The following ABLIM1 variants were observed in gnomAD, a reference collection of about 807,000 sequenced individuals.
ABLIM1 encodes actin binding LIM protein 1, also known as actin-binding LIM protein 1.
In ABLIM1, 40 loss-of-function variants were observed where a neutral mutation model predicts 107.0. The observed-to-expected ratio is 0.37, with a 90% CI of 0.29 to 0.49. The LOEUF (loss-of-function observed/expected upper bound fraction) is 0.49. ABLIM1 is among the 20% of genes least tolerant of loss of function. The pLI is 0.97. For missense variants in ABLIM1, 857 were observed against 1,008.5 expected (o/e 0.85, Z 2.04); for synonymous variants, 357 against 357.3 (o/e 1.00, Z 0.01).
intron 1 of ABLIM1, among the ~76,000 whole-genome samples, chr10:114,626,984 C>A (rs2077852407): frequency 6.6e-6 from 1 of 152,128 alleles, no homozygotes; most frequent in African/African-American, 2.4e-5. Flanking sequence ...CTCCTGACAG[C>A]CCTCAGAAGG....
intron 1 of ABLIM1, among the ~76,000 whole-genome samples, chr10:114,653,376 TA>T (rs35980324): frequency 6.7e-6 from 1 of 149,908 alleles, no homozygotes; most frequent in African/African-American, 2.5e-5. Flanking sequence ...ACCCTGTCTC[TA>T]AAAAAAAAAT....
upstream of ABLIM1, among the ~76,000 whole-genome samples, chr10:114,768,272 G>A (rs2082955248): frequency 6.8e-6 from 1 of 146,578 alleles, no homozygotes; most frequent in Non-Finnish European, 1.5e-5. Flanking sequence ...GGGACCCGCC[G>A]GGCGCGGCAG....
intron 1 of ABLIM1, among the ~76,000 whole-genome samples, chr10:114,737,621 AT>A (rs1405236270): frequency 1.3e-5 from 2 of 152,140 alleles, no homozygotes; most frequent in African/African-American, 2.4e-5. Context: ...ATATCACTAA[AT>A]TTTTTTCAAG....
chr10:114,544,867 A>C (rs754468578), intron 6 of ABLIM1, 138 bp downstream of exon 6: 32 of 770,558 alleles, frequency 4.2e-5, no homozygotes, highest in Non-Finnish European at 7.0e-5. Flanking sequence ...AATTCTTGAA[A>C]ATAGTCACCT....
rs1307632402 is a variant in ABLIM1 at position 114,653,033 on chromosome 10, C to A, written c.244+4924G>T. Among the ~76,000 whole-genome samples the A allele has an allele frequency of 2.0e-5, 3 of 152,228 alleles. No homozygotes were observed. In the East Asian group the frequency reaches 5.8e-4, roughly 29 times the overall value. On this transcript the variant is annotated intron_variant, in intron 1 of 22. Transcript: ENST00000533213. The stretch of plus-strand genomic sequence containing the variant: ...GTGTTCAGCGTACCTCATGAATGAC[C>A]CACTCTTATGCTCCTCAGGCTGAGG...
chr10:114,513,486 C>T (rs1469657870), intron 6 of ABLIM1, among the ~76,000 whole-genome samples: 1 of 152,094 alleles, frequency 6.6e-6, no homozygotes, highest in African/African-American at 2.4e-5. Flanking sequence ...CCGGCAGTAA[C>T]AATTTCACAC....
In ABLIM1 at chr10:114,575,512, G is replaced by A; in HGVS notation, c.467C>T (p.Thr156Ile). ...CTLDYQRMYG[T>I]RCHGCGEFVE... is the part of the protein sequence containing the mutation. Reference sequence around the variant, plus strand: ...GAACTCCCCACAGCCATGGCAGCGTGTCCCGTACATCCGCTGGTAGTCCAG... The same window carrying A: ...GAACTCCCCACAGCCATGGCAGCGTATCCCGTACATCCGCTGGTAGTCCAG... The change falls in exon 3 of 23, where the codon ACA (threonine) becomes ATA (isoleucine). Residue 156 changes from threonine (T) to isoleucine (I), a missense_variant. By Grantham distance (89) the Thr-to-Ile change is moderately conservative. This residue lies in a region of ABLIM1 where 381 missense variants were observed against 506.9 expected (regional missense o/e 0.75). Coordinates refer to ENST00000533213, the MANE Select transcript of ABLIM1 (RefSeq NM_002313.7). 1 of 1,614,222 alleles carries A rather than the reference G, an allele frequency of 6.2e-7. No homozygotes were observed. The highest frequency in any genetic ancestry group is 8.5e-7 in the Non-Finnish European group (1 of 1,180,038).
At chr10:114,570,472 C>T (rs2138737984) in intron 4 of ABLIM1, among the ~76,000 whole-genome samples, 1 of 152,212 alleles carries the variant, frequency 6.6e-6, no homozygotes, top group South Asian at 2.1e-4. Context: ...TCTTCTCTGC[C>T]CCATATAAGT....
chr10:114,684,696 T>C, exon 1 of ABLIM1: 4 of 1,077,758 alleles, frequency 3.7e-6, no homozygotes, highest in Non-Finnish European at 3.4e-6. Flanking sequence ...GAAGCCACTA[T>C]TAGAACACGC....
intron 8 of ABLIM1, among the ~76,000 whole-genome samples, chr10:114,482,153 T>C (rs2057470334): frequency 6.6e-6 from 1 of 152,228 alleles, no homozygotes. Context: ...TTGTGTATAA[T>C]GAATTACACA....
chr10:114,715,849 GA>G (rs1168240204), intron 1 of ABLIM1, among the ~76,000 whole-genome samples: 1 of 152,158 alleles, frequency 6.6e-6, no homozygotes, highest in African/African-American at 2.4e-5. Flanking sequence ...CCATTTGCAA[GA>G]ATTATTTCAT....
chr10:114,764,589 G>A (rs957100322), intron 1 of ABLIM1, among the ~76,000 whole-genome samples: 1 of 152,116 alleles, frequency 6.6e-6, no homozygotes, highest in Non-Finnish European at 1.5e-5. Context: ...TGATCCATCC[G>A]CCTCAGCCTC....
At chr10:114,735,864 A>G (rs2082168924) in intron 1 of ABLIM1, among the ~76,000 whole-genome samples, 1 of 152,234 alleles carries the variant, frequency 6.6e-6, no homozygotes, top group African/African-American at 2.4e-5. Flanking sequence ...CAGGAATACA[A>G]TAGTCAAAGA....
At chr10:114,665,086 C>T (rs1406161045) in intron 1 of ABLIM1, among the ~76,000 whole-genome samples, 2 of 149,316 alleles carry the variant, frequency 1.3e-5, no homozygotes, top group Non-Finnish European at 3.0e-5. Flanking sequence ...CACTGCACTC[C>T]GGCCTCGGCG....
intron 1 of ABLIM1, among the ~76,000 whole-genome samples, chr10:114,642,682 T>G (rs2078805553): frequency 2.6e-5 from 4 of 152,106 alleles, no homozygotes; most frequent in Admixed American, 2.6e-4. Context: ...TTCACAGATT[T>G]AAAGAGTATA....
At chr10:114,485,578 G>C (rs2058073701) in intron 8 of ABLIM1, among the ~76,000 whole-genome samples, 1 of 152,188 alleles carries the variant, frequency 6.6e-6, no homozygotes, top group Non-Finnish European at 1.5e-5. Flanking sequence ...TGGTCTTCAA[G>C]TTACAGTAAA....
At chr10:114,559,575 G>A (rs1050598854) in intron 4 of ABLIM1, among the ~76,000 whole-genome samples, 2 of 152,000 alleles carry the variant, frequency 1.3e-5, no homozygotes, top group Non-Finnish European at 2.9e-5. Flanking sequence ...GGTCTCCCTC[G>A]GGGCAGGGCA....
chr10:114,789,254 C>G, the ABLIM1 span, among the ~76,000 whole-genome samples: 1 of 150,538 alleles, frequency 6.6e-6, no homozygotes, highest in Admixed American at 6.6e-5. Flanking sequence ...GACTCCGTCT[C>G]AAAAAAAATA....
rs11196851 is a variant in ABLIM1, at chr10:114,666,374, T to C, written c.64+17916A>G. Among the ~76,000 whole-genome samples, 40 of 152,318 alleles carry C rather than the reference T, an allele frequency of 2.6e-4. No homozygotes were observed. The East Asian group carries it at 7.1e-3, about 27-fold the overall frequency. ...ATATATTATGCATTGTTTTTCTTTT[T>C]TACTGCTAGGGATGCAAAATCAATA... On this transcript the variant is annotated intron_variant, in intron 1 of 23. Transcript: ENST00000369256.
Sources: allele counts gnomAD v4.1 joint callset (sites outside exome capture counted in the v4.1 genomes callset), GRCh38; gene constraint gnomAD v4.1.1; regional missense constraint gnomAD v4.1.1; transcripts MANE v1.5; gene names NCBI Gene and HGNC (gene_info 2026-07-23, HGNC 2026-07-21).